The following SNX27 variants were observed in gnomAD, a reference collection of about 807,000 sequenced individuals.
The protein encoded by SNX27 is sorting nexin 27, also known as sorting nexin-27.
Under a neutral mutation model 71.6 loss-of-function variants are expected in SNX27, and 22 were observed. The observed-to-expected ratio is 0.31, with a 90% CI of 0.22 to 0.44. The LOEUF (loss-of-function observed/expected upper bound fraction) is 0.44, where lower values mean the gene tolerates loss of function less well. Among genes scored for constraint, SNX27 ranks in the 20% least tolerant of loss-of-function variants. The pLI is 1.00. For missense variants in SNX27, 531 were observed against 698.6 expected (o/e 0.76, Z 2.70); for synonymous variants, 269 against 277.2 (o/e 0.97, Z 0.29).
rs1203755706 is a variant in SNX27, at chr1:151,612,531, C to T, written c.311+19C>T. 1.5e-6 allele frequency: 2 copies of T among 1,340,870 alleles called. No individual in the cohort carries two copies. Among genetic ancestry groups the T allele is most frequent in the East Asian group, 6.1e-5 (2 of 32,982 alleles). 83.1% of individuals were successfully genotyped at this position (1,340,870 alleles called of 1,614,324 possible). The stretch of plus-strand genomic sequence containing the variant: ...TGGAGGTGTGAGTATCGGGGCTACC[C>T]GCCGCCCCATCCTCCCCGCGCCCCT... On this transcript the variant is annotated intron_variant, in intron 1 of 11. Transcript: ENST00000458013. This position sits in a 1 kb window ranked among gnomAD's most constrained non-coding sequence, Gnocchi z 5.2.
At chr1:151,618,738 A>G (rs1194937745) in intron 1 of SNX27, among the ~76,000 whole-genome samples, 1 of 152,212 alleles carries the variant, frequency 6.6e-6, no homozygotes, top group Non-Finnish European at 1.5e-5. Context: ...TTTTGAGCAT[A>G]ATCTTTGGCA....
intron 2 of SNX27, among the ~76,000 whole-genome samples, chr1:151,639,390 G>A (rs1668618536): frequency 1.3e-5 from 2 of 152,278 alleles, no homozygotes; most frequent in East Asian, 1.9e-4. Flanking sequence ...TCGTAAACGT[G>A]TGAGTTTTTG....
intron 2 of SNX27, among the ~76,000 whole-genome samples, chr1:151,649,864 CCTGT>C (rs1438324419): frequency 1.3e-5 from 2 of 151,980 alleles, no homozygotes; most frequent in Non-Finnish European, 2.9e-5. Context: ...TGCCACTGTA[CCTGT>C]CTAACTTTTA....
At chr1:151,665,487 G>GT (rs543554021) in intron 5 of SNX27, among the ~76,000 whole-genome samples, 3 of 152,274 alleles carry the variant, frequency 2.0e-5, no homozygotes, top group South Asian at 2.1e-4. Context: ...CAAATATATA[G>GT]TTTTTTTGTG....
intron 1 of SNX27, 43 bp from the exon 2 acceptor site, chr1:151,638,845 C>A: frequency 1.3e-6 from 2 of 1,588,714 alleles, no homozygotes; most frequent in South Asian, 2.2e-5. Flanking sequence ...GTGTTTGGAC[C>A]CTTCTGGTTT....
In SNX27 at chr1:151,687,873, A is replaced by G. The variant is rs1484998247; in HGVS notation, c.1239+4428A>G. Among the ~76,000 whole-genome samples, 5 of 149,596 alleles carry G rather than the reference A, an allele frequency of 3.3e-5. No individual in the cohort carries two copies. The Admixed American group carries it at 3.4e-4, about 10-fold the overall frequency. On this transcript the variant is annotated intron_variant, in intron 8 of 11. Transcript: ENST00000458013. ...TGGGGCAGGAGAATGGCGTGAACCC[A>G]GGAGGCGGAGCTTGCAGTGAGCCGC...
At chr1:151,668,873 C>T (rs763403130) in intron 7 of SNX27, among the ~76,000 whole-genome samples, 116 of 152,056 alleles carry the variant, frequency 7.6e-4, no homozygotes, top group Non-Finnish European at 1.4e-3. Flanking sequence ...TATTTTTAAA[C>T]AATAGAAAAT....
At chr1:151,625,961 TAAAATA>T (rs1323596607) in intron 1 of SNX27, among the ~76,000 whole-genome samples, 1 of 147,794 alleles carries the variant, frequency 6.8e-6, no homozygotes, top group Non-Finnish European at 1.5e-5. Flanking sequence ...AAAAAAAAAA[TAAAATA>T]AAAATAAAAG....
intron 2 of SNX27, among the ~76,000 whole-genome samples, chr1:151,654,730 A>G (rs1331257792): frequency 6.6e-6 from 1 of 152,152 alleles, no homozygotes; most frequent in African/African-American, 2.4e-5. Context: ...TTATAACATG[A>G]AGGAAGGCAT....
Position 151,695,323 on chromosome 1 carries a change from C to T in SNX27, c.*906C>T. 6.6e-6 allele frequency: 1 copy of T among 151,958 alleles called. No homozygotes were observed. The highest frequency in any genetic ancestry group is 1.9e-4 in the East Asian group (1 of 5,190). The allele number at this position is 151,958 out of a possible 1,614,324, so 9.4% of individuals were successfully genotyped here. A position where few individuals can be genotyped will look rare whatever the true frequency, so the allele number is the denominator to read the frequency against. On this transcript the variant is annotated 3_prime_UTR_variant, in exon 12 of 12. Coordinates refer to ENST00000458013, the MANE Select transcript of SNX27 (RefSeq NM_001330723.2). ...CTTTCCTAGAGCCTCGGTATGCTTT[C>T]CCTCAACCGACCCTGGCTCAGGAGG...
chr1:151,663,237 A>G (rs1179740471), intron 5 of SNX27, among the ~76,000 whole-genome samples: 1 of 148,026 alleles, frequency 6.8e-6, no homozygotes, highest in African/African-American at 2.5e-5. Context: ...TGCAAGCTCC[A>G]CTTCCTGGGT....
intron 2 of SNX27, among the ~76,000 whole-genome samples, chr1:151,653,077 G>A (rs1390453587): frequency 6.6e-6 from 1 of 151,858 alleles, no homozygotes. Context: ...ACAGGCATGT[G>A]CCACCATGCC....
chr1:151,628,602 G>A (rs1362457017), intron 1 of SNX27, among the ~76,000 whole-genome samples: 1 of 152,166 alleles, frequency 6.6e-6, no homozygotes, highest in Non-Finnish European at 1.5e-5. Flanking sequence ...CCCACCAGCA[G>A]TGAATGAGGA....
At chr1:151,642,703 A>G (rs1006325661) in intron 2 of SNX27, among the ~76,000 whole-genome samples, 8 of 151,898 alleles carry the variant, frequency 5.3e-5, no homozygotes, top group East Asian at 1.9e-4. Flanking sequence ...CAGTGGCGCA[A>G]TCTTGGCTCA....
At chr1:151,629,494 T>G (rs567981378) in intron 1 of SNX27, 4 of 150,912 alleles carry the variant, frequency 2.7e-5, no homozygotes, top group African/African-American at 9.7e-5. Flanking sequence ...TATACATGTA[T>G]GCGTATATAT....
chr1:151,666,089 A>T, intron 6 of SNX27, 78 bp downstream of exon 6: 1 of 1,106,344 alleles, frequency 9.0e-7, no homozygotes, highest in Non-Finnish European at 1.3e-6. Context: ...AAGAGCTTGA[A>T]GACAAGGGGA....
At chr1:151,615,731 A>AT in intron 1 of SNX27, 1 of 984,046 alleles carries the variant, frequency 1.0e-6, no homozygotes, top group African/African-American at 1.7e-5. Context: ...CCTATTTTAG[A>AT]TTCTTCTATT....
At position 151,693,021 on chromosome 1, in the gene SNX27, T is replaced by A; in HGVS notation, c.1500T>A (p.Val500=). The A allele has an allele frequency of 8.7e-6, 14 of 1,614,142 alleles. No individual in the cohort carries two copies. The highest frequency in any genetic ancestry group is 1.2e-5 in the Non-Finnish European group (14 of 1,180,022). The change falls in exon 10 of 12, where the codon GTT becomes GTA. Residue 500 remains valine (V), a synonymous_variant. Coordinates refer to ENST00000458013, the MANE Select transcript of SNX27 (RefSeq NM_001330723.2). ...YARGEKKPRW[V]KIFTPYFNYM... ...GAGGAGAGAAGAAGCCCCGATGGGTTAAAATCTTCACGCCATATGTGAGTG... is the reference window on the plus strand; with the variant it reads ...GAGGAGAGAAGAAGCCCCGATGGGTAAAAATCTTCACGCCATATGTGAGTG...
intron 1 of SNX27, among the ~76,000 whole-genome samples, chr1:151,628,956 C>A (rs192159185): frequency 1.3e-5 from 2 of 152,210 alleles, no homozygotes; most frequent in Non-Finnish European, 2.9e-5. Context: ...AACAGTGTCT[C>A]TTGCAGAGCA....
Sources: allele counts gnomAD v4.1 joint callset (sites outside exome capture counted in the v4.1 genomes callset), GRCh38; gene constraint gnomAD v4.1.1; non-coding constraint Gnocchi (gnomAD v3.1); transcripts MANE v1.5; gene names NCBI Gene and HGNC (gene_info 2026-07-23, HGNC 2026-07-21).